EDN3: variants seen among roughly 807,000 people sequenced by gnomAD.
EDN3 encodes endothelin 3, also known as endothelin-3.
A neutral mutation model predicts 21.4 loss-of-function variants in EDN3; 9 were observed. That is an observed-to-expected ratio of 0.42 (90% CI 0.25 to 0.73). The LOEUF (loss-of-function observed/expected upper bound fraction) is 0.73, where lower values mean the gene tolerates loss of function less well. Ranked by LOEUF, EDN3 falls within the 30% of genes least tolerant of loss-of-function variation. EDN3 has a pLI of 0.26. For missense variants in EDN3, 327 were observed against 309.4 expected, an observed-to-expected ratio of 1.06 and a Z score of -0.43; for synonymous variants, 133 against 126.2, an observed-to-expected ratio of 1.05 and a Z score of -0.36.
chr20:59,322,930 TA>T lies in EDN3; in HGVS notation c.588+514del, dbSNP rs1299373337. 6.8e-6 allele frequency among the ~76,000 whole-genome samples: 1 copy of T among 147,684 alleles called. No individual in the cohort carries two copies. The highest frequency in any genetic ancestry group is 2.2e-4 in the South Asian group (1 of 4,592). On this transcript the variant is annotated intron_variant, in intron 4 of 4. Coordinates refer to ENST00000337938, the MANE Select transcript of EDN3 (RefSeq NM_207034.3). This position sits in a 1 kb window ranked among gnomAD's most constrained non-coding sequence, Gnocchi z 4.1. Reference sequence around the variant, plus strand: ...CCCTTGGTTCTCCAGTTCATTGTATTATTTTTTTTAACCCACTTGTCTTTTT... The same window carrying T: ...CCCTTGGTTCTCCAGTTCATTGTATTTTTTTTTTAACCCACTTGTCTTTTT...
rs144937074 is a variant in EDN3, at chr20:59,301,622, C to T, written c.265C>T (p.Pro89Ser). Residue 89 changes from proline to serine, a missense_variant, in exon 2 of 5, where the codon CCT becomes TCT. Physicochemically the swap from Pro to Ser is moderately conservative, Grantham distance 74. Transcript: ENST00000337938. ...PGQEQAAEGA[P>S]EHHRSRRCTC... The stretch of plus-strand genomic sequence containing the variant: ...GCAGGAGCAGGCGGCCGAGGGGGCC[C>T]CTGAGCACCACCGATCCAGGCGCTG... 21 of 1,614,104 alleles carry T rather than the reference C, an allele frequency of 1.3e-5. No individual in the cohort carries two copies. The African/African-American group carries it at 1.7e-4, about 13-fold the overall frequency.
intron 2 of EDN3, among the ~76,000 whole-genome samples, chr20:59,302,707 A>G (rs911822781): frequency 6.6e-5 from 10 of 152,056 alleles, no homozygotes; most frequent in Non-Finnish European, 1.5e-4. Flanking sequence ...CTTGTACCCT[A>G]TTAGGGATTC....
At chr20:59,321,451 G>A (rs2146880989) in intron 3 of EDN3, among the ~76,000 whole-genome samples, 1 of 152,310 alleles carries the variant, frequency 6.6e-6, no homozygotes, top group South Asian at 2.1e-4. Flanking sequence ...GGCTACATCT[G>A]GTTTCCAGAC....
intron 2 of EDN3, among the ~76,000 whole-genome samples, chr20:59,303,619 C>G (rs566100104): frequency 6.6e-6 from 1 of 152,128 alleles, no homozygotes; most frequent in Non-Finnish European, 1.5e-5. Flanking sequence ...TACCAAACCC[C>G]GGAGCACTGG....
intron 2 of EDN3, among the ~76,000 whole-genome samples, chr20:59,315,368 G>A (rs983515941): frequency 6.6e-6 from 1 of 152,218 alleles, no homozygotes; most frequent in Non-Finnish European, 1.5e-5. Context: ...CATGCTTTCT[G>A]TACAATATGT....
intron 2 of EDN3, 73 bp from the exon 3 acceptor site, chr20:59,320,944 G>C: frequency 6.5e-7 from 1 of 1,549,424 alleles, no homozygotes. Flanking sequence ...GGTGGTTCTC[G>C]CTCCACACCC....
intron 2 of EDN3, among the ~76,000 whole-genome samples, chr20:59,317,003 T>C (rs1285995257): frequency 3.9e-5 from 6 of 152,210 alleles, no homozygotes; most frequent in Non-Finnish European, 7.3e-5. Flanking sequence ...GTATAAAGGA[T>C]TGTATTCTGA....
In EDN3 at chr20:59,322,412, G is replaced by A; in HGVS notation, c.583G>A (p.Gly195Arg). The change falls in exon 4 of 5, where the codon GGG becomes AGG. Residue 195 changes from glycine to arginine, a missense_variant. Coordinates refer to ENST00000337938, the MANE Select transcript of EDN3 (RefSeq NM_207034.3). The surrounding 1 kb of genome is among the most constrained non-coding windows in gnomAD (Gnocchi z 4.1). ...AGAAAAAACAGACAAAGAAGAGGAAGGGAAGGTGAGAGGTGCCAACAGAGG... is the reference window on the plus strand; with the variant it reads ...AGAAAAAACAGACAAAGAAGAGGAAAGGAAGGTGAGAGGTGCCAACAGAGG... ...TAEKTDKEEE[G>R]KVEVKDQQSK... 1 of 1,614,248 alleles carries A rather than the reference G, an allele frequency of 6.2e-7. No homozygotes were observed.
At chr20:59,306,594 G>GCAAAAAAAA (rs1989430275) in intron 2 of EDN3, among the ~76,000 whole-genome samples, 2 of 28,640 alleles carry the variant, frequency 7.0e-5, no homozygotes, top group African/African-American at 1.6e-4. Flanking sequence ...TGCATAAAGA[G>GCAAAAAAAA]TAAAAAAAAA....
intron 3 of EDN3, among the ~76,000 whole-genome samples, chr20:59,321,937 G>A (rs1412932248): frequency 1.3e-5 from 2 of 152,014 alleles, no homozygotes; most frequent in Non-Finnish European, 2.9e-5. Context: ...TCTTAACTTC[G>A]GGCCAAGATT....
rs1463012133 is a variant in EDN3 at position 59,325,430 on chromosome 20, T to C, written c.*971T>C. 6.6e-6 allele frequency: 1 copy of C among 152,386 alleles called. No homozygotes were observed. The highest frequency in any genetic ancestry group is 1.5e-5 in the Non-Finnish European group (1 of 68,038). 9.4% of individuals were successfully genotyped at this position (152,386 alleles called of 1,614,324 possible). A position where few individuals can be genotyped will look rare whatever the true frequency, so the allele number is the denominator to read the frequency against. The stretch of plus-strand genomic sequence containing the variant: ...GCTCTTCCCACCGAGCCGAGCTTAC[T>C]GTGAGTGTGGAGATGTTATCCCACC... On this transcript the variant is annotated 3_prime_UTR_variant, in exon 5 of 5. Coordinates refer to ENST00000337938, the MANE Select transcript of EDN3 (RefSeq NM_207034.3).
At chr20:59,301,744 A>G (rs1056946776) in intron 2 of EDN3, 22 bp downstream of exon 2, 1 of 1,613,572 alleles carries the variant, frequency 6.2e-7, no homozygotes, top group Non-Finnish European at 8.5e-7. Context: ...TTTTGTGGTG[A>G]GGAACGTGGC....
At chr20:59,309,160 C>T (rs1989632175) in intron 2 of EDN3, among the ~76,000 whole-genome samples, 1 of 152,156 alleles carries the variant, frequency 6.6e-6, no homozygotes, top group Non-Finnish European at 1.5e-5. Flanking sequence ...GCATGGCGCT[C>T]TTTGCGGGCA....
chr20:59,308,874 G>T (rs1989605451), intron 2 of EDN3, among the ~76,000 whole-genome samples: 1 of 152,172 alleles, frequency 6.6e-6, no homozygotes, highest in Admixed American at 6.5e-5. Flanking sequence ...TGGACCTTCT[G>T]ACTCTGATCT....
At chr20:59,311,629 A>T (rs1194496274) in intron 2 of EDN3, among the ~76,000 whole-genome samples, 1 of 150,162 alleles carries the variant, frequency 6.7e-6, no homozygotes, top group Non-Finnish European at 1.5e-5. Context: ...TTGGGTTGCC[A>T]TCTTGGTTTT....
intron 2 of EDN3, among the ~76,000 whole-genome samples, chr20:59,319,574 T>C (rs1990394394): frequency 6.6e-6 from 1 of 151,228 alleles, no homozygotes; most frequent in Non-Finnish European, 1.5e-5. Flanking sequence ...ACAATAATAA[T>C]AATTAGCCGG....
At chr20:59,311,708 A>G (rs1989825771) in intron 2 of EDN3, among the ~76,000 whole-genome samples, 2 of 151,354 alleles carry the variant, frequency 1.3e-5, no homozygotes, top group South Asian at 4.2e-4. Context: ...TTTGTGAGCA[A>G]TGTCTTGTGT....
intron 2 of EDN3, among the ~76,000 whole-genome samples, chr20:59,320,042 G>A (rs1480876434): frequency 6.6e-6 from 1 of 152,190 alleles, no homozygotes; most frequent in African/African-American, 2.4e-5. Flanking sequence ...TGATGATTTG[G>A]ATGTGCACAC....
chr20:59,315,353 A>G (rs574842710), intron 2 of EDN3, among the ~76,000 whole-genome samples: 27 of 152,394 alleles, frequency 1.8e-4, no homozygotes, highest in Admixed American at 1.3e-3. Flanking sequence ...GACAAGTCAC[A>G]GAGCCATGCT....
Sources: gnomAD v4.1 joint callset for allele counts (sites outside exome capture counted in the v4.1 genomes callset) on GRCh38, gnomAD v4.1.1 for gene constraint, Gnocchi (gnomAD v3.1) non-coding constraint, MANE v1.5 for transcripts, NCBI Gene and HGNC (gene_info 2026-07-23, HGNC 2026-07-21) for gene names.